B3GNT2: variants seen among roughly 807,000 people sequenced by gnomAD.
B3GNT2 encodes N-acetyllactosaminide beta-1,3-N-acetylglucosaminyltransferase 2.
B3GNT2 carries 12 observed loss-of-function variants against 27.6 expected under a neutral mutation model. That is an observed-to-expected ratio of 0.44 (90% confidence interval 0.28 to 0.71). B3GNT2 has a LOEUF of 0.71. Among genes scored for constraint, B3GNT2 ranks in the 30% least tolerant of loss-of-function variants. The pLI, the probability that B3GNT2 is intolerant of heterozygous loss-of-function variation, is 0.17. For missense variants in B3GNT2, 413 were observed against 488.5 expected (o/e 0.85, Z 1.46); for synonymous variants, 192 against 189.7 (o/e 1.01, Z -0.10).
rs1267038930 is a variant in B3GNT2, at chr2:62,224,131, A to T, written c.*717A>T. ...ATCATAGTGTAATTTTAGTATTTGA[A>T]AATCAGTGTGATTCCTTAATGGCCA... On this transcript the variant is annotated 3_prime_UTR_variant, in exon 2 of 2. Transcript: ENST00000301998. 3.0e-5 allele frequency: 5 copies of T among 167,046 alleles called. No homozygotes were observed. Among genetic ancestry groups the T allele is most frequent in the Non-Finnish European group, 7.3e-5 (5 of 68,114 alleles). The allele number at this position is 167,046 out of a possible 1,614,324, so 10.3% of individuals were successfully genotyped here. A position where few individuals can be genotyped will look rare whatever the true frequency, so the allele number is the denominator to read the frequency against.
At chr2:62,217,281 G>T (rs1055581012) in intron 1 of B3GNT2, among the ~76,000 whole-genome samples, 1 of 152,126 alleles carries the variant, frequency 6.6e-6, no homozygotes, top group Non-Finnish European at 1.5e-5. Context: ...TTGAAAACTC[G>T]CACTCTGGAG....
At chr2:62,221,807 T>C (rs80247462) in intron 1 of B3GNT2, 54 of 515,594 alleles carry the variant, frequency 1.0e-4, no homozygotes, top group African/African-American at 9.9e-4. Context: ...GCAAATCGGT[T>C]TGCCAAGCAC....
At chr2:62,203,655 G>T (rs977151740) in intron 1 of B3GNT2, among the ~76,000 whole-genome samples, 2 of 152,166 alleles carry the variant, frequency 1.3e-5, no homozygotes, top group African/African-American at 4.8e-5. Context: ...GGCATGACAA[G>T]GAGCATGTGC....
At chr2:62,203,800 T>G (rs978528512) in intron 1 of B3GNT2, among the ~76,000 whole-genome samples, 35 of 152,242 alleles carry the variant, frequency 2.3e-4, no homozygotes, top group African/African-American at 7.9e-4. Context: ...GACTGGCTGA[T>G]GTAGAGAACT....
chr2:62,209,630 G>A (rs1258881497), intron 1 of B3GNT2, among the ~76,000 whole-genome samples: 5 of 152,136 alleles, frequency 3.3e-5, no homozygotes, highest in Middle Eastern at 3.4e-3. Flanking sequence ...CCGCCCCCAC[G>A]CCGTCACCCC....
chr2:62,203,920 C>A (rs998200906), intron 1 of B3GNT2, among the ~76,000 whole-genome samples: 2 of 152,170 alleles, frequency 1.3e-5, no homozygotes, highest in Non-Finnish European at 2.9e-5. Flanking sequence ...CCTGCACAGC[C>A]AATTTCACAT....
chr2:62,214,123 C>T (rs1197476174), intron 1 of B3GNT2, among the ~76,000 whole-genome samples: 1 of 152,168 alleles, frequency 6.6e-6, no homozygotes, highest in Non-Finnish European at 1.5e-5. Context: ...CTGAGTTCAA[C>T]CTCTGGGAAT....
chr2:62,222,623 C>T lies in B3GNT2; in HGVS notation c.403C>T (p.Pro135Ser), dbSNP rs140564887. 5.1e-5 allele frequency: 82 copies of T among 1,614,108 alleles called. No individual in the cohort carries two copies. Among genetic ancestry groups the T allele is most frequent in the Middle Eastern group, 3.3e-4 (2 of 6,084 alleles). The change falls in exon 2 of 2, where the codon CCG becomes TCG. Residue 135 changes from proline to serine, a missense_variant. Coordinates refer to ENST00000301998, the MANE Select transcript of B3GNT2 (RefSeq NM_006577.6). The surrounding 1 kb of genome is among the most constrained non-coding windows in gnomAD (Gnocchi z 4.2). The part of the protein sequence containing the change: ...CRNYSLLIDQ[P>S]DKCAKKPFLL... ...CAATTATTCACTGCTTATAGATCAG[C>T]CGGATAAGTGTGCAAAGAAACCTTT... is the stretch of plus-strand genomic sequence containing the variant.
At chr2:62,213,255 C>G (rs777331395) in intron 1 of B3GNT2, among the ~76,000 whole-genome samples, 3 of 152,268 alleles carry the variant, frequency 2.0e-5, no homozygotes, top group Non-Finnish European at 2.9e-5. Flanking sequence ...AGTGATCAGG[C>G]AACTGTAGTC....
intron 1 of B3GNT2, among the ~76,000 whole-genome samples, chr2:62,213,127 A>G (rs747778574): frequency 4.6e-5 from 7 of 152,168 alleles, no homozygotes; most frequent in Admixed American, 2.6e-4. Context: ...CTGGGGCAAC[A>G]TGAGGAGACC....
rs1215445250 is a variant in B3GNT2 at position 62,196,195 on chromosome 2, TGCCGCCGAC to T, written c.-169_-161del. The stretch of plus-strand genomic sequence containing the variant: ...AGCAGAGCCAAGCCGGAGCAGTCCC[TGCCGCCGAC>T]ACCGCCGGGCCGCCCGTCCGGGGCG... On this transcript the variant is annotated 5_prime_UTR_variant, in exon 1 of 2. Transcript: ENST00000301998. 1.3e-5 allele frequency: 2 copies of T among 151,724 alleles called. No individual in the cohort carries two copies. The highest frequency in any genetic ancestry group is 1.9e-4 in the East Asian group (1 of 5,170). The allele number at this position is 151,724 out of a possible 1,614,324, so 9.4% of individuals were successfully genotyped here. A position where few individuals can be genotyped will look rare whatever the true frequency, so the allele number is the denominator to read the frequency against.
intron 1 of B3GNT2, among the ~76,000 whole-genome samples, chr2:62,196,789 A>C (rs1357984245): frequency 1.3e-5 from 2 of 151,570 alleles, no homozygotes; most frequent in South Asian, 4.2e-4. Flanking sequence ...GGGCCTCCTC[A>C]TCCGGGGCGC....
intron 1 of B3GNT2, among the ~76,000 whole-genome samples, chr2:62,217,377 C>T (rs984680417): frequency 6.6e-6 from 1 of 152,162 alleles, no homozygotes; most frequent in Non-Finnish European, 1.5e-5. Flanking sequence ...CCACCCACCC[C>T]GTGCCCCCTA....
chr2:62,197,045 C>T (rs1674160608), intron 1 of B3GNT2, among the ~76,000 whole-genome samples: 1 of 151,954 alleles, frequency 6.6e-6, no homozygotes, highest in African/African-American at 2.4e-5. Flanking sequence ...AAAAATATTC[C>T]ACACTGTTTG....
At chr2:62,213,766 T>C (rs1674521267) in intron 1 of B3GNT2, among the ~76,000 whole-genome samples, 2 of 152,246 alleles carry the variant, frequency 1.3e-5, no homozygotes, top group African/African-American at 4.8e-5. Context: ...GAGACAGTTT[T>C]CTATAAACAT....
In B3GNT2 at chr2:62,223,206, A is replaced by G; in HGVS notation, c.986A>G (p.Tyr329Cys). The change falls in exon 2 of 2, where the codon TAC becomes TGC. Residue 329 changes from tyrosine to cysteine, a missense_variant. Coordinates refer to ENST00000301998, the MANE Select transcript of B3GNT2 (RefSeq NM_006577.6). ...LYHITDQVHL[Y>C]PIDDVYTGMC... ...CATATCACTGACCAGGTCCATCTCT[A>G]CCCCATTGATGACGTTTATACTGGA... The G allele has an allele frequency of 6.2e-7, 1 of 1,613,974 alleles. No individual in the cohort carries two copies. Among genetic ancestry groups the G allele is most frequent in the Non-Finnish European group, 8.5e-7 (1 of 1,180,004 alleles).
chr2:62,209,344 G>A (rs1299918277), intron 1 of B3GNT2, among the ~76,000 whole-genome samples: 1 of 152,072 alleles, frequency 6.6e-6, no homozygotes, highest in South Asian at 2.1e-4. Flanking sequence ...CTGTGCCTTG[G>A]TCTCCTCTGC....
intron 1 of B3GNT2, among the ~76,000 whole-genome samples, chr2:62,202,358 A>G (rs1407355005): frequency 6.6e-6 from 1 of 152,212 alleles, no homozygotes; most frequent in East Asian, 1.9e-4. Context: ...TGCTCAAGGG[A>G]TTGTAGGCTG....
At position 62,222,518 on chromosome 2, in the gene B3GNT2, C is replaced by T. The variant is rs759375083; in HGVS notation, c.298C>T (p.Leu100=). 1 of 1,614,076 alleles carries T rather than the reference C, an allele frequency of 6.2e-7. No individual in the cohort carries two copies. The highest frequency in any genetic ancestry group is 1.3e-5 in the African/African-American group (1 of 74,924). ...CCATCTGAACTACTGCGAACCTGAC[C>T]TGAGGGTCACGTCGGTGGTTACGGG... ...ISHLNYCEPD[L]RVTSVVTGFN... is the part of the protein sequence containing the mutation. The change falls in exon 2 of 2, where the codon CTG becomes TTG. Residue 100 remains leucine, a synonymous_variant. Coordinates refer to ENST00000301998, the MANE Select transcript of B3GNT2 (RefSeq NM_006577.6). This position sits in a 1 kb window ranked among gnomAD's most constrained non-coding sequence, Gnocchi z 4.2.
Sources: gnomAD v4.1 joint callset for allele counts (sites outside exome capture counted in the v4.1 genomes callset) on GRCh38, gnomAD v4.1.1 for gene constraint, Gnocchi (gnomAD v3.1) non-coding constraint, MANE v1.5 for transcripts, NCBI Gene and HGNC (gene_info 2026-07-23, HGNC 2026-07-21) for gene names.